RSF1: variants seen among roughly 807,000 people sequenced by gnomAD.
RSF1 encodes the protein HBV pX-associated protein 8.
In RSF1, 13 loss-of-function variants were observed where a neutral mutation model predicts 145.2. The observed-to-expected ratio is 0.09, with a 90% CI of 0.06 to 0.14. RSF1 has a LOEUF of 0.14. Ranked by LOEUF, RSF1 falls within the 10% of genes least tolerant of loss-of-function variation. The pLI, the probability that RSF1 is intolerant of heterozygous loss-of-function variation, is 1.00. For missense variants in RSF1, 1,517 were observed against 1,718.2 expected (o/e 0.88, Z 2.07); for synonymous variants, 577 against 592.6 (o/e 0.97, Z 0.38).
At chr11:77,751,789 A>C (rs1210758908) in intron 2 of RSF1, among the ~76,000 whole-genome samples, 1 of 152,164 alleles carries the variant, frequency 6.6e-6, no homozygotes, top group Non-Finnish European at 1.5e-5. Context: ...TCACCTCTGC[A>C]CAAATTCGAA....
intron 15 of RSF1, 101 bp downstream of exon 15, chr11:77,671,941 A>G (rs74955947): frequency 8.9e-7 from 1 of 1,119,850 alleles, no homozygotes; most frequent in Admixed American, 2.6e-5. Flanking sequence ...GCCTGGTTAT[A>G]TGAGTTTCAA....
At chr11:77,848,761 T>A in the RSF1 span, among the ~76,000 whole-genome samples, 1 of 152,056 alleles carries the variant, frequency 6.6e-6, no homozygotes, top group Non-Finnish European at 1.5e-5. Context: ...CAGGTCAGAT[T>A]GTAACTTGCT....
intron 9 of RSF1, among the ~76,000 whole-genome samples, chr11:77,689,387 T>G (rs994711312): frequency 1.1e-4 from 16 of 152,248 alleles, no homozygotes; most frequent in Admixed American, 6.5e-5. Flanking sequence ...TTGGCCTTAC[T>G]CAGCTTTTAC....
At chr11:77,780,771 G>C (rs1948394425) in intron 1 of RSF1, among the ~76,000 whole-genome samples, 1 of 145,740 alleles carries the variant, frequency 6.9e-6, no homozygotes. Context: ...GTTGCAGTGA[G>C]CCAAGATCAT....
intron 1 of RSF1, among the ~76,000 whole-genome samples, chr11:77,790,243 C>T (rs1398228769): frequency 6.6e-6 from 1 of 152,182 alleles, no homozygotes; most frequent in Non-Finnish European, 1.5e-5. Context: ...CAAGTCACAT[C>T]TTACATGGAT....
At chr11:77,745,332 C>T (rs1229503438) in intron 3 of RSF1, among the ~76,000 whole-genome samples, 1 of 151,868 alleles carries the variant, frequency 6.6e-6, no homozygotes, top group Non-Finnish European at 1.5e-5. Flanking sequence ...TTAGTTCGTT[C>T]TTCTAGTTTC....
rs1381034951 is a variant in RSF1 at position 77,671,146 on chromosome 11, T to A, written c.3751+896A>T. Among the ~76,000 whole-genome samples the A allele has an allele frequency of 5.1e-3, 144 of 28,088 alleles. 2 individuals are homozygous for A. The highest frequency in any genetic ancestry group is 7.3e-3 in the African/African-American group (23 of 3,166). 18.4% of individuals were successfully genotyped at this position (28,088 alleles called of 152,430 possible). ...AAAAAAAAAAAAAAAAAAATATATA[T>A]ATATATATATATATATATATATATA... On this transcript the variant is annotated intron_variant, in intron 15 of 15. Transcript: ENST00000308488.
At chr11:77,728,937 A>T (rs1961128541) in intron 4 of RSF1, among the ~76,000 whole-genome samples, 1 of 152,144 alleles carries the variant, frequency 6.6e-6, no homozygotes, top group Non-Finnish European at 1.5e-5. Context: ...GAATGCAGCT[A>T]TGAAGGAGAA....
At chr11:77,697,022 A>G (rs1489262850) in intron 7 of RSF1, among the ~76,000 whole-genome samples, 1 of 152,212 alleles carries the variant, frequency 6.6e-6, no homozygotes, top group African/African-American at 2.4e-5. Flanking sequence ...AAACTGTGCT[A>G]GGCAACTTTA....
intron 14 of RSF1, 85 bp downstream of exon 14, chr11:77,674,951 A>T: frequency 9.4e-7 from 1 of 1,067,174 alleles, no homozygotes; most frequent in East Asian, 2.4e-5. Flanking sequence ...GTGAGCCGAG[A>T]TGGTGCCATT....
chr11:77,854,327 GA>G, the RSF1 span, among the ~76,000 whole-genome samples: 1 of 152,066 alleles, frequency 6.6e-6, no homozygotes, highest in Non-Finnish European at 1.5e-5. Flanking sequence ...AGCATTAACT[GA>G]AAAGTCCACA....
chr11:77,826,428 T>G, the RSF1 span, among the ~76,000 whole-genome samples: 1 of 152,124 alleles, frequency 6.6e-6, no homozygotes, highest in African/African-American at 2.4e-5. Context: ...GTGTCTGTGT[T>G]TTAAATTTTT....
intron 9 of RSF1, among the ~76,000 whole-genome samples, chr11:77,688,086 T>C (rs1590830044): frequency 6.6e-6 from 1 of 151,528 alleles, no homozygotes; most frequent in East Asian, 1.9e-4. Flanking sequence ...AGGTCAGGAG[T>C]TCAAGACCAG....
At position 77,667,074 on chromosome 11, in the gene RSF1, T is replaced by G. The variant is rs1959381040; in HGVS notation, c.4169A>C (p.Lys1390Thr). The G allele has an allele frequency of 1.2e-6, 2 of 1,614,068 alleles. No individual in the cohort carries two copies. The highest frequency in any genetic ancestry group is 2.7e-5 in the African/African-American group (2 of 74,926). Reference protein sequence around the residue: ...IENLIGKPTEKSQTPKDNSTA... With the variant: ...IENLIGKPTETSQTPKDNSTA... ...GCTGTTGTCCTTGGGGGTCTGAGACTTCTCAGTAGGCTTGCCAATCAAGTT... is the reference window on the plus strand; with the variant it reads ...GCTGTTGTCCTTGGGGGTCTGAGACGTCTCAGTAGGCTTGCCAATCAAGTT... Residue 1390 changes from lysine (K) to threonine (T), a missense_variant, in exon 16 of 16, where the codon AAG becomes ACG. Transcript: ENST00000308488.
chr11:77,747,261 T>C, intron 2 of RSF1, 133 bp from the exon 3 acceptor site: 1 of 550,216 alleles, frequency 1.8e-6, no homozygotes, highest in East Asian at 3.2e-5. Flanking sequence ...CCAATCCAAC[T>C]GCACCCTAAA....
chr11:77,842,911 C>A, the RSF1 span, among the ~76,000 whole-genome samples: 1 of 152,200 alleles, frequency 6.6e-6, no homozygotes, highest in African/African-American at 2.4e-5. Flanking sequence ...CACATAACCA[C>A]TACCAGTCAG....
intron 1 of RSF1, among the ~76,000 whole-genome samples, chr11:77,795,055 C>CA (rs914959018): frequency 1.3e-5 from 2 of 151,798 alleles, no homozygotes; most frequent in African/African-American, 4.8e-5. Context: ...ACCAATAACG[C>CA]AAGAGCGAAA....
chr11:77,735,223 A>G (rs898129217), intron 4 of RSF1, among the ~76,000 whole-genome samples: 1 of 152,240 alleles, frequency 6.6e-6, no homozygotes, highest in African/African-American at 2.4e-5. Context: ...ACTCTCGGCA[A>G]AGAACGTCTC....
At chr11:77,803,028 T>C (rs551337271) in intron 1 of RSF1, among the ~76,000 whole-genome samples, 1 of 152,076 alleles carries the variant, frequency 6.6e-6, no homozygotes, top group Non-Finnish European at 1.5e-5. Context: ...TTATATACTA[T>C]GAACAAATGG....
Sources: allele counts gnomAD v4.1 joint callset (sites outside exome capture counted in the v4.1 genomes callset), GRCh38; gene constraint gnomAD v4.1.1; transcripts MANE v1.5; gene names NCBI Gene and HGNC (gene_info 2026-07-23, HGNC 2026-07-21).